Variants in BIRC2 observed in about 807,000 individuals in gnomAD.
BIRC2 encodes baculoviral IAP repeat containing 2, also known as baculoviral IAP repeat-containing protein 2.
BIRC2 carries 18 observed loss-of-function variants against 60.9 expected under a neutral mutation model. That is an observed-to-expected ratio of 0.30 (90% CI 0.20 to 0.44). The LOEUF (loss-of-function observed/expected upper bound fraction) is 0.44, where lower values mean the gene tolerates loss of function less well. Among genes scored for constraint, BIRC2 ranks in the 20% least tolerant of loss-of-function variants. The probability of loss-of-function intolerance (pLI) is 1.00; values close to 1 mark genes in which losing one functional copy is unlikely to be tolerated. For synonymous variants in BIRC2, 282 were observed against 247.7 expected (o/e 1.14, Z -1.30); for missense variants, 701 against 728.5 (o/e 0.96, Z 0.43).
chr11:102,358,470 A>G (rs1371693254), intron 3 of BIRC2, among the ~76,000 whole-genome samples: 2 of 152,182 alleles, frequency 1.3e-5, no homozygotes, highest in East Asian at 1.9e-4. Flanking sequence ...TTCAACCTGT[A>G]TGTTAGATCC....
chr11:102,366,474 C>G (rs924800226), intron 5 of BIRC2, among the ~76,000 whole-genome samples: 3 of 151,908 alleles, frequency 2.0e-5, no homozygotes, highest in African/African-American at 7.3e-5. Context: ...TCACGCCATT[C>G]TCTTGCCTCA....
chr11:102,376,954 CA>C (rs1951721984), intron 6 of BIRC2, among the ~76,000 whole-genome samples: 1 of 151,984 alleles, frequency 6.6e-6, no homozygotes, highest in South Asian at 2.1e-4. Context: ...TCAAACCCTA[CA>C]ATACTACAAT....
At chr11:102,357,640 T>G (rs545323922) in intron 3 of BIRC2, among the ~76,000 whole-genome samples, 1 of 152,170 alleles carries the variant, frequency 6.6e-6, no homozygotes, top group Non-Finnish European at 1.5e-5. Context: ...AATGGTAACA[T>G]CTCTTGGTTT....
intron 6 of BIRC2, among the ~76,000 whole-genome samples, chr11:102,373,047 G>C (rs1323333370): frequency 2.0e-5 from 3 of 149,316 alleles, no homozygotes; most frequent in African/African-American, 7.4e-5. Context: ...CTTTTATTTT[G>C]AGCCTATGTG....
intron 3 of BIRC2, among the ~76,000 whole-genome samples, chr11:102,353,813 T>C (rs1951390067): frequency 6.6e-6 from 1 of 152,038 alleles, no homozygotes; most frequent in South Asian, 2.1e-4. Flanking sequence ...GTTTGTGTTC[T>C]TTAACCAACA....
intron 6 of BIRC2, 48 bp from the exon 7 acceptor site, chr11:102,377,448 T>TA (rs1250355321): frequency 6.5e-7 from 1 of 1,529,700 alleles, no homozygotes; most frequent in Admixed American, 2.1e-5. Context: ...TGAGTATAGT[T>TA]AAAGGAGTTT....
At position 102,347,301 on chromosome 11, in the gene BIRC2, G is replaced by C. The variant is rs1216844177; in HGVS notation, c.-1333G>C. 3.3e-5 allele frequency: 5 copies of C among 152,460 alleles called. No homozygotes were observed. The South Asian group carries it at 8.3e-4, about 25-fold the overall frequency. The allele number at this position is 152,460 out of a possible 1,614,324, so 9.4% of individuals were successfully genotyped here. A position where few individuals can be genotyped will look rare whatever the true frequency, so the allele number is the denominator to read the frequency against. On this transcript the variant is annotated 5_prime_UTR_variant, in exon 1 of 9. Coordinates refer to ENST00000227758, the MANE Select transcript of BIRC2 (RefSeq NM_001166.5). ...GCCGAGCGGGCCGTATCTCCTTGTC[G>C]GCGCCGCTGATTCCCGGCTCTGCGG...
intron 6 of BIRC2, 126 bp downstream of exon 6, chr11:102,368,674 G>A (rs888059843): frequency 3.5e-5 from 46 of 1,324,950 alleles, no homozygotes; most frequent in Non-Finnish European, 4.2e-5. Flanking sequence ...CAGTCATTTC[G>A]AAACCATCCC....
intron 3 of BIRC2, among the ~76,000 whole-genome samples, chr11:102,357,474 G>GT (rs1217038286): frequency 1.3e-5 from 2 of 151,902 alleles, no homozygotes; most frequent in African/African-American, 4.8e-5. Flanking sequence ...CTCCTTACTA[G>GT]TTATAAGTCT....
chr11:102,350,262 A>C lies in BIRC2; in HGVS notation c.408A>C (p.Ala136=). 6.2e-7 allele frequency: 1 copy of C among 1,614,216 alleles called. No homozygotes were observed. The highest frequency in any genetic ancestry group is 8.5e-7 in the Non-Finnish European group (1 of 1,180,046). The change falls in exon 2 of 9, where the codon GCA becomes GCC. Residue 136 remains alanine (A), a synonymous_variant. Coordinates refer to ENST00000227758, the MANE Select transcript of BIRC2 (RefSeq NM_001166.5). ...KNTSPMRNSF[A]HSLSPTLEHS... The stretch of plus-strand genomic sequence containing the variant: ...CGTCTCCAATGAGAAACAGTTTTGC[A>C]CATTCATTATCTCCCACCTTGGAAC...
chr11:102,369,211 T>C (rs1951592371), intron 6 of BIRC2, among the ~76,000 whole-genome samples: 1 of 151,480 alleles, frequency 6.6e-6, no homozygotes, highest in Admixed American at 6.6e-5. Flanking sequence ...ATGTGCACAT[T>C]GTGCAGGTTA....
At chr11:102,366,721 A>G (rs1951556942) in intron 5 of BIRC2, among the ~76,000 whole-genome samples, 1 of 152,192 alleles carries the variant, frequency 6.6e-6, no homozygotes, top group East Asian at 1.9e-4. Flanking sequence ...CTAACATCCT[A>G]ACAAGTCTTC....
intron 5 of BIRC2, among the ~76,000 whole-genome samples, chr11:102,366,750 A>C (rs34832568): frequency 6.6e-6 from 1 of 152,188 alleles, no homozygotes; most frequent in Non-Finnish European, 1.5e-5. Flanking sequence ...GGTTTACCCC[A>C]TTAAAGTAAC....
intron 5 of BIRC2, among the ~76,000 whole-genome samples, chr11:102,365,320 T>A (rs1440949960): frequency 6.6e-6 from 1 of 152,220 alleles, no homozygotes; most frequent in African/African-American, 2.4e-5. Context: ...AAACATAATG[T>A]ACTTTTGCTA....
At chr11:102,364,994 T>A (rs1951537307) in intron 5 of BIRC2, among the ~76,000 whole-genome samples, 1 of 152,238 alleles carries the variant, frequency 6.6e-6, no homozygotes, top group Non-Finnish European at 1.5e-5. Flanking sequence ...GTTTTCTGTC[T>A]TGATAATTTT....
In BIRC2 at chr11:102,363,855, G is replaced by A. The variant is rs193290358; in HGVS notation, c.1123+139G>A. ...ACAGATCACCTGAGGTCAGGAGTTC[G>A]AGACCAGCCTGGCCAACATAGTAAA... On this transcript the variant is annotated intron_variant, in intron 5 of 8. Transcript: ENST00000227758. 2.2e-5 allele frequency: 12 copies of A among 547,372 alleles called. 1 individual carries two copies. Among genetic ancestry groups the A allele is most frequent in the Admixed American group, 6.5e-5 (2 of 30,698 alleles). 33.9% of individuals were successfully genotyped at this position (547,372 alleles called of 1,614,324 possible).
Position 102,378,104 on chromosome 11 carries a change from A to G in BIRC2, c.1778A>G (p.Gln593Arg). 6.2e-7 allele frequency: 1 copy of G among 1,613,882 alleles called. No homozygotes were observed. The highest frequency in any genetic ancestry group is 8.5e-7 in the Non-Finnish European group (1 of 1,179,832). The change falls in exon 9 of 9, where the codon CAG (glutamine) becomes CGG (arginine). Residue 593 changes from glutamine to arginine, a missense_variant. This residue lies in a region of BIRC2 where 52 missense variants were observed against 83.9 expected (regional missense o/e 0.62). Coordinates refer to ENST00000227758, the MANE Select transcript of BIRC2 (RefSeq NM_001166.5). ...CCTTGTGGTCATCTGGTAGTATGCC[A>G]GGAATGTGCCCCTTCTCTAAGAAAA... ...FIPCGHLVVC[Q>R]ECAPSLRKCP... is the part of the protein sequence containing the mutation.
chr11:102,363,322 C>A (rs1410402499), intron 4 of BIRC2, among the ~76,000 whole-genome samples: 1 of 152,140 alleles, frequency 6.6e-6, no homozygotes, highest in African/African-American at 2.4e-5. Flanking sequence ...TCTTTAGTGT[C>A]TCTTTGCTGT....
At chr11:102,362,253 C>CT (rs34817116) in intron 3 of BIRC2, among the ~76,000 whole-genome samples, 1 of 151,394 alleles carries the variant, frequency 6.6e-6, no homozygotes, top group African/African-American at 2.4e-5. Context: ...GTCAGTGTTC[C>CT]TTTTTTTTAA....
Sources: gnomAD v4.1 joint callset for allele counts (sites outside exome capture counted in the v4.1 genomes callset) on GRCh38, gnomAD v4.1.1 for gene constraint, gnomAD v4.1.1 regional missense constraint, MANE v1.5 for transcripts, NCBI Gene and HGNC (gene_info 2026-07-23, HGNC 2026-07-21) for gene names.